Variants in CCDC91 observed in about 807,000 individuals in gnomAD.
CCDC91 encodes coiled-coil domain-containing protein 91.
A neutral mutation model predicts 63.2 loss-of-function variants in CCDC91; 48 were observed. The observed-to-expected ratio is 0.76, with a 90% CI of 0.60 to 0.97. The LOEUF (loss-of-function observed/expected upper bound fraction) is 0.97, where lower values mean the gene tolerates loss of function less well. CCDC91 is among the 50% of genes least tolerant of loss of function. The pLI, the probability that CCDC91 is intolerant of heterozygous loss-of-function variation, is 0.00. For missense variants in CCDC91, 500 were observed against 494.6 expected, an observed-to-expected ratio of 1.01 and a Z score of -0.10; for synonymous variants, 167 against 165.8, an observed-to-expected ratio of 1.01 and a Z score of -0.06.
chr12:28,423,864 A>T (rs1948155279), intron 8 of CCDC91, among the ~76,000 whole-genome samples: 1 of 152,228 alleles, frequency 6.6e-6, no homozygotes, highest in Non-Finnish European at 1.5e-5. Flanking sequence ...AATTTATATC[A>T]TATAATTCCT....
At chr12:28,284,858 A>G (rs935458959) in intron 3 of CCDC91, among the ~76,000 whole-genome samples, 17 of 152,176 alleles carry the variant, frequency 1.1e-4, no homozygotes, top group African/African-American at 4.1e-4. Context: ...TCGTTGGACT[A>G]CCACCTGTGA....
At chr12:28,278,484 C>T (rs1948391556) in intron 3 of CCDC91, among the ~76,000 whole-genome samples, 1 of 152,034 alleles carries the variant, frequency 6.6e-6, no homozygotes, top group Non-Finnish European at 1.5e-5. Context: ...CATATCTCCC[C>T]TTTTACTGTT....
At chr12:28,542,284 A>T (rs567602755) in intron 12 of CCDC91, among the ~76,000 whole-genome samples, 84 of 152,208 alleles carry the variant, frequency 5.5e-4, no homozygotes, top group Admixed American at 9.2e-4. Context: ...TCTTTAAAAC[A>T]AAAGAAAAAA....
intron 12 of CCDC91, among the ~76,000 whole-genome samples, chr12:28,520,342 T>C (rs1229959853): frequency 1.3e-5 from 2 of 152,240 alleles, no homozygotes; most frequent in Non-Finnish European, 2.9e-5. Flanking sequence ...AATTTTTTCA[T>C]GTGCCTGTTG....
At chr12:28,539,009 C>T (rs1190813073) in intron 12 of CCDC91, among the ~76,000 whole-genome samples, 1 of 151,902 alleles carries the variant, frequency 6.6e-6, no homozygotes, top group Non-Finnish European at 1.5e-5. Context: ...GGATATTAGC[C>T]CTTTGTCAGA....
At chr12:28,429,103 C>T (rs1432817881) in intron 8 of CCDC91, among the ~76,000 whole-genome samples, 7 of 152,106 alleles carry the variant, frequency 4.6e-5, no homozygotes, top group African/African-American at 1.4e-4. Flanking sequence ...AGCAGGAAAT[C>T]GTGCAAACCA....
At chr12:28,503,348 T>G (rs569167067) in intron 12 of CCDC91, among the ~76,000 whole-genome samples, 6 of 152,320 alleles carry the variant, frequency 3.9e-5, no homozygotes. Context: ...TCACCATCAC[T>G]GGCCATCAGA....
chr12:28,480,930 G>A (rs1246329382), intron 11 of CCDC91, among the ~76,000 whole-genome samples: 4 of 151,916 alleles, frequency 2.6e-5, no homozygotes, highest in Non-Finnish European at 5.9e-5. Flanking sequence ...TAGATTTAAT[G>A]GATGCTAAAG....
chr12:28,327,282 G>C (rs1215113778), intron 6 of CCDC91, among the ~76,000 whole-genome samples: 1 of 152,126 alleles, frequency 6.6e-6, no homozygotes, highest in Admixed American at 6.6e-5. Context: ...AAGCAAGCTG[G>C]AAGCTTGCAC....
chr12:28,405,077 G>A (rs868359524), intron 8 of CCDC91, among the ~76,000 whole-genome samples: 8 of 150,966 alleles, frequency 5.3e-5, no homozygotes, highest in African/African-American at 1.9e-4. Flanking sequence ...CTTTTTTTTG[G>A]TTTCTATTTT....
intron 12 of CCDC91, among the ~76,000 whole-genome samples, chr12:28,491,321 A>C (rs991287293): frequency 1.3e-5 from 2 of 151,798 alleles, no homozygotes; most frequent in African/African-American, 4.8e-5. Context: ...ACTTGAACCC[A>C]GGTAGATCAA....
At chr12:28,498,622 T>G (rs1057191723) in intron 12 of CCDC91, among the ~76,000 whole-genome samples, 1 of 151,670 alleles carries the variant, frequency 6.6e-6, no homozygotes, top group African/African-American at 2.4e-5. Context: ...AATAATTATT[T>G]AATCTACCAT....
chr12:28,491,890 T>C (rs1443752614), intron 12 of CCDC91, among the ~76,000 whole-genome samples: 1 of 142,996 alleles, frequency 7.0e-6, no homozygotes, highest in African/African-American at 2.9e-5. Context: ...TGTGTGTGTG[T>C]GTGTGTGAAG....
chr12:28,211,039 G>T (rs1257898277), intron 1 of CCDC91, among the ~76,000 whole-genome samples: 3 of 149,474 alleles, frequency 2.0e-5, no homozygotes, highest in Non-Finnish European at 4.4e-5. Flanking sequence ...TTTTAGGCAC[G>T]TATTTTGTCC....
intron 6 of CCDC91, among the ~76,000 whole-genome samples, chr12:28,360,962 A>T (rs1425571939): frequency 2.0e-5 from 3 of 151,370 alleles, no homozygotes; most frequent in African/African-American, 7.3e-5. Flanking sequence ...GACTATTCAA[A>T]TTTTGTAATT....
chr12:28,394,207 C>T (rs939471247), intron 8 of CCDC91, among the ~76,000 whole-genome samples: 2 of 152,128 alleles, frequency 1.3e-5, no homozygotes, highest in African/African-American at 4.8e-5. Context: ...TGGCTCACGC[C>T]TGTAATCCCA....
chr12:28,521,457 T>C (rs1940653428), intron 12 of CCDC91, among the ~76,000 whole-genome samples: 1 of 152,312 alleles, frequency 6.6e-6, no homozygotes, highest in East Asian at 1.9e-4. Context: ...GCTTATGAGC[T>C]TAAGGAGATT....
rs1944560631 is a variant in CCDC91 at position 28,370,658 on chromosome 12, TAGTC to T, written c.654+8147_654+8150del. On this transcript the variant is annotated intron_variant, in intron 7 of 12. Coordinates refer to ENST00000536442, the MANE Select transcript of CCDC91 (RefSeq NM_018318.5). ...CACTCCCAGTACCAATTTTTTGTAT[TAGTC>T]AGTTTTCACACTGTTGTAAAGAACT... Among the ~76,000 whole-genome samples the T allele has an allele frequency of 3.3e-5, 5 of 152,218 alleles. No homozygotes were observed. In the South Asian group the frequency reaches 6.2e-4, roughly 19 times the overall value.
At chr12:28,273,199 A>G (rs1430339215) in intron 3 of CCDC91, among the ~76,000 whole-genome samples, 1 of 152,022 alleles carries the variant, frequency 6.6e-6, no homozygotes, top group Non-Finnish European at 1.5e-5. Context: ...ATAGTATTCC[A>G]TGGTGTATAT....
Sources: gnomAD v4.1 joint callset for allele counts (sites outside exome capture counted in the v4.1 genomes callset) on GRCh38, gnomAD v4.1.1 for gene constraint, MANE v1.5 for transcripts, NCBI Gene and HGNC (gene_info 2026-07-23, HGNC 2026-07-21) for gene names.